The following PITPNC1 variants were observed in gnomAD, a reference collection of about 807,000 sequenced individuals.
PITPNC1 encodes cytoplasmic phosphatidylinositol transfer protein 1.
A neutral mutation model predicts 44.7 loss-of-function variants in PITPNC1; 18 were observed. The ratio of observed to expected loss-of-function variants is 0.40; its 90% confidence interval spans 0.28 to 0.60. The LOEUF is 0.60. PITPNC1 is among the 20% of genes least tolerant of loss of function. The probability of loss-of-function intolerance (pLI) is 0.39; values close to 1 mark genes in which losing one functional copy is unlikely to be tolerated. For missense variants in PITPNC1, 290 were observed against 418.4 expected (o/e 0.69, Z 2.68); for synonymous variants, 141 against 149.6 (o/e 0.94, Z 0.42).
intron 4 of PITPNC1, among the ~76,000 whole-genome samples, chr17:67,563,329 A>G (rs906320012): frequency 2.6e-5 from 4 of 152,212 alleles, no homozygotes; most frequent in Non-Finnish European, 5.9e-5. Flanking sequence ...TACTGTTGGA[A>G]CAAGATGGCA....
intron 5 of PITPNC1, chr17:67,612,618 T>C (rs2041701401): frequency 6.6e-6 from 1 of 152,154 alleles, no homozygotes; most frequent in Non-Finnish European, 1.5e-5. Flanking sequence ...GAAAGCTTCC[T>C]AGCATATTGG....
chr17:67,663,987 G>T (rs2042385219), intron 6 of PITPNC1, among the ~76,000 whole-genome samples: 1 of 152,092 alleles, frequency 6.6e-6, no homozygotes, highest in Non-Finnish European at 1.5e-5. Flanking sequence ...TTTTGAGATG[G>T]AGTCTTGCTC....
In PITPNC1 at chr17:67,463,900, GA is replaced by G. The variant is rs1042883255; in HGVS notation, c.49-68892del. ...CAGAGTGAGACCCCATTTCAAAAAAGAAAAAAAAAAGAGCCAGGTGTGGTGG... is the reference window on the plus strand; with the variant it reads ...CAGAGTGAGACCCCATTTCAAAAAAGAAAAAAAAAGAGCCAGGTGTGGTGG... On this transcript the variant is annotated intron_variant, in intron 1 of 8. Transcript: ENST00000581322. Among the ~76,000 whole-genome samples, 79 of 143,932 alleles carry G rather than the reference GA, an allele frequency of 5.5e-4. 2 individuals are homozygous for G. The South Asian group carries it at 0.015, about 27-fold the overall frequency. 94.4% of individuals were successfully genotyped at this position (143,932 alleles called of 152,430 possible).
At chr17:67,560,317 T>C (rs2706680) in intron 4 of PITPNC1, among the ~76,000 whole-genome samples, 149,051 of 152,360 alleles carry the variant, frequency 0.98, 72,921 homozygotes, top group East Asian at 1. Context: ...ATGTTATTTT[T>C]TTCTAAATTT....
intron 1 of PITPNC1, among the ~76,000 whole-genome samples, chr17:67,424,042 C>A (rs559147590): frequency 5.2e-5 from 7 of 135,612 alleles, no homozygotes; most frequent in African/African-American, 2.0e-4. Flanking sequence ...AATGACCTCT[C>A]TAGAATTGTG....
chr17:67,539,841 C>G (rs1056706404), intron 2 of PITPNC1, among the ~76,000 whole-genome samples: 1 of 150,258 alleles, frequency 6.7e-6, no homozygotes, highest in Admixed American at 6.6e-5. Context: ...CCGTCTCAAA[C>G]AAACAAACAA....
chr17:67,483,495 C>A (rs1277945646), intron 1 of PITPNC1, among the ~76,000 whole-genome samples: 1 of 152,174 alleles, frequency 6.6e-6, no homozygotes, highest in Non-Finnish European at 1.5e-5. Flanking sequence ...AGCTGAAAAG[C>A]AATACCATCT....
chr17:67,579,957 T>C (rs1250117679), intron 5 of PITPNC1, among the ~76,000 whole-genome samples: 1 of 150,800 alleles, frequency 6.6e-6, no homozygotes, highest in Non-Finnish European at 1.5e-5. Context: ...AAAAAGTTAA[T>C]ACATGGCTAT....
chr17:67,413,710 A>T (rs1278927323), intron 1 of PITPNC1, among the ~76,000 whole-genome samples: 1 of 152,158 alleles, frequency 6.6e-6, no homozygotes, highest in South Asian at 2.1e-4. Flanking sequence ...AATTGAACAC[A>T]CTTGCTGGCT....
intron 7 of PITPNC1, among the ~76,000 whole-genome samples, 176 bp downstream of exon 7, chr17:67,669,839 AG>A (rs2042482309): frequency 6.6e-6 from 1 of 152,184 alleles, no homozygotes; most frequent in African/African-American, 2.4e-5. Context: ...TGGGAGGCCG[AG>A]GCGGGTAGAT....
At chr17:67,413,963 G>A (rs1029766329) in intron 1 of PITPNC1, among the ~76,000 whole-genome samples, 2 of 152,080 alleles carry the variant, frequency 1.3e-5, no homozygotes, top group Admixed American at 1.3e-4. Flanking sequence ...TATTGGTATT[G>A]CTACTTGATT....
At chr17:67,435,108 C>CA (rs555005702) in intron 1 of PITPNC1, among the ~76,000 whole-genome samples, 942 of 76,286 alleles carry the variant, frequency 0.012, 13 homozygotes, top group African/African-American at 0.021. Flanking sequence ...GACTCCATCT[C>CA]AAAAAAAAAA....
At chr17:67,435,330 C>G (rs1265650271) in intron 1 of PITPNC1, among the ~76,000 whole-genome samples, 1 of 152,174 alleles carries the variant, frequency 6.6e-6, no homozygotes, top group Admixed American at 6.5e-5. Flanking sequence ...TTTCTGTAAC[C>G]TTCACTAAAC....
In PITPNC1 at chr17:67,551,325, C is replaced by T. The variant is rs76350929; in HGVS notation, c.198-932C>T. Among the ~76,000 whole-genome samples, 10 of 152,218 alleles carry T rather than the reference C, an allele frequency of 6.6e-5. No homozygotes were observed. In the East Asian group the frequency reaches 1.7e-3, roughly 26 times the overall value. ...TTTTATTGGCTTTCTAATAACTTTC[C>T]GAAACAAATTGCTGCAAATTAGGTG... On this transcript the variant is annotated intron_variant, in intron 2 of 8. Coordinates refer to ENST00000581322, the MANE Select transcript of PITPNC1 (RefSeq NM_012417.4).
chr17:67,644,865 A>G (rs544055747), intron 6 of PITPNC1, among the ~76,000 whole-genome samples: 2 of 152,262 alleles, frequency 1.3e-5, no homozygotes, highest in East Asian at 3.9e-4. Context: ...AGAGTTCCCA[A>G]ATCAGGTCAG....
chr17:67,412,805 A>G (rs964940677), intron 1 of PITPNC1, among the ~76,000 whole-genome samples: 5 of 152,170 alleles, frequency 3.3e-5, no homozygotes, highest in African/African-American at 1.2e-4. Flanking sequence ...AGCTCAGGTG[A>G]TCCTCCCGCT....
intron 8 of PITPNC1, among the ~76,000 whole-genome samples, chr17:67,687,909 A>G (rs908358714): frequency 6.6e-6 from 1 of 152,140 alleles, no homozygotes; most frequent in Non-Finnish European, 1.5e-5. Flanking sequence ...GTAGCTAGAG[A>G]TAACAAAGAA....
At chr17:67,685,464 A>C (rs1038238814) in intron 8 of PITPNC1, among the ~76,000 whole-genome samples, 3 of 152,252 alleles carry the variant, frequency 2.0e-5, no homozygotes, top group Admixed American at 6.5e-5. Context: ...AATGAAGAGG[A>C]TCTCACATGA....
intron 8 of PITPNC1, among the ~76,000 whole-genome samples, chr17:67,688,877 T>G (rs1192653397): frequency 6.6e-6 from 1 of 152,212 alleles, no homozygotes; most frequent in East Asian, 1.9e-4. Flanking sequence ...GGCTTGGCTT[T>G]CTTTCAGTTT....
Sources: allele counts gnomAD v4.1 joint callset (sites outside exome capture counted in the v4.1 genomes callset), GRCh38; gene constraint gnomAD v4.1.1; transcripts MANE v1.5; gene names NCBI Gene and HGNC (gene_info 2026-07-23, HGNC 2026-07-21).